Variants in CCDC180 observed in about 807,000 individuals in gnomAD.
CCDC180 encodes coiled-coil domain containing 180, also known as coiled-coil domain-containing protein 180.
In CCDC180, 154 loss-of-function variants were observed where a neutral mutation model predicts 209.2. The observed-to-expected ratio is 0.74, with a 90% CI of 0.65 to 0.84. The LOEUF is 0.84. CCDC180 is among the 40% of genes least tolerant of loss of function. The pLI is 0.00. For synonymous variants in CCDC180, 778 were observed against 749.1 expected (o/e 1.04, Z -0.63); for missense variants, 1,874 against 1,997.3 (o/e 0.94, Z 1.18).
chr9:97,317,162 A>G lies in CCDC180; in HGVS notation c.893A>G (p.His298Arg), dbSNP rs1418636643. The G allele has an allele frequency of 6.2e-7, 1 of 1,613,232 alleles. No individual in the cohort carries two copies. The highest frequency in any genetic ancestry group is 8.5e-7 in the Non-Finnish European group (1 of 1,179,656). The change falls in exon 9 of 37, where the codon CAC (histidine) becomes CGC (arginine). Residue 298 changes from histidine to arginine, a missense_variant. Transcript: ENST00000529487. Reference sequence around the variant, plus strand: ...CTGCAGCAGGAGCTGGACAGCCGCCACCGCTGGCAAGGCTTGGTGGACACC... The same window carrying G: ...CTGCAGCAGGAGCTGGACAGCCGCCGCCGCTGGCAAGGCTTGGTGGACACC... The part of the protein sequence containing the change: ...STLQQELDSR[H>R]RWQGLVDTWK...
At position 97,343,433 on chromosome 9, in the gene CCDC180, C is replaced by A; in HGVS notation, c.2368C>A (p.Pro790Thr). 6.2e-7 allele frequency: 1 copy of A among 1,613,820 alleles called. No individual in the cohort carries two copies. Among genetic ancestry groups the A allele is most frequent in the Non-Finnish European group, 8.5e-7 (1 of 1,179,774 alleles). The change falls in exon 19 of 37, where the codon CCC becomes ACC. Residue 790 changes from proline to threonine, a missense_variant. Transcript: ENST00000529487. ...TGGAAACACTTATTTTGTCTTTGTA[C>A]CCCTGGAAGAAGAGCATTGTAGGAA... ...SSGNTYFVFV[P>T]LEEEHCRKSH...
intron 16 of CCDC180, among the ~76,000 whole-genome samples, chr9:97,328,457 A>G (rs2118670501): frequency 6.6e-6 from 1 of 152,198 alleles, no homozygotes; most frequent in Non-Finnish European, 1.5e-5. Flanking sequence ...ATATAGCTTT[A>G]ACCCACCTAC....
intron 13 of CCDC180, among the ~76,000 whole-genome samples, chr9:97,324,746 C>T (rs1833472918): frequency 6.6e-6 from 1 of 152,216 alleles, no homozygotes; most frequent in Non-Finnish European, 1.5e-5. Context: ...ACTCCATCTT[C>T]TTCCTGTCAG....
chr9:97,341,506 G>T (rs1826078301), intron 18 of CCDC180, among the ~76,000 whole-genome samples: 1 of 152,188 alleles, frequency 6.6e-6, no homozygotes, highest in Admixed American at 6.5e-5. Flanking sequence ...CACCAGCAGA[G>T]GCTGCAGAAC....
intron 18 of CCDC180, among the ~76,000 whole-genome samples, chr9:97,334,641 G>A (rs147265148): frequency 2.6e-5 from 4 of 152,086 alleles, no homozygotes; most frequent in East Asian, 3.9e-4. Flanking sequence ...TTTTGCTAAC[G>A]TTTCCTGTTT....
chr9:97,316,295 C>A (rs2118567949), intron 8 of CCDC180, among the ~76,000 whole-genome samples: 1 of 152,350 alleles, frequency 6.6e-6, no homozygotes, highest in East Asian at 1.9e-4. Flanking sequence ...GGCTGTGGAT[C>A]TGTAGGTTGA....
chr9:97,361,898 A>G lies in CCDC180; in HGVS notation c.3656A>G (p.Gln1219Arg), dbSNP rs1188455986. 1.9e-6 allele frequency: 3 copies of G among 1,613,604 alleles called. No individual in the cohort carries two copies. The highest frequency in any genetic ancestry group is 2.5e-6 in the Non-Finnish European group (3 of 1,179,894). Residue 1219 changes from glutamine to arginine, a missense_variant and splice_region_variant, in exon 27 of 37, where the codon CAA becomes CGA. Gln to Arg is a conservative substitution (Grantham distance 43). Coordinates refer to ENST00000529487, the MANE Select transcript of CCDC180 (RefSeq NM_020893.6). ...GTGGATGTGATCAGGAAGCTCCTGCAGTGAGTGGCCCCAGGGTGCACCTAA... is the reference window on the plus strand; with the variant it reads ...GTGGATGTGATCAGGAAGCTCCTGCGGTGAGTGGCCCCAGGGTGCACCTAA... ...PAVDVIRKLL[Q>R]LPNTKWPTHH...
rs377488090 is a variant in CCDC180, at chr9:97,307,855, C to T, written c.-82+49C>T. The T allele has an allele frequency of 1.1e-5, 18 of 1,610,274 alleles. No homozygotes were observed. In the African/African-American group the frequency reaches 1.9e-4, roughly 17 times the overall value. ...AGTTAAAACCCTAAGTCGACGTTCC[C>T]CAGCCGCCTACCCCCCAGCAGAGAG... is the stretch of plus-strand genomic sequence containing the variant. On this transcript the variant is annotated intron_variant, in intron 1 of 36. Coordinates refer to ENST00000529487, the MANE Select transcript of CCDC180 (RefSeq NM_020893.6).
chr9:97,330,725 G>C lies in CCDC180; in HGVS notation c.2232G>C (p.Glu744Asp), dbSNP rs1274019763. ...EEEKLEEEKE[E>D]KEAQEEQESL... ...AGAAGCTGGAGGAAGAGAAGGAGGAGAAGGAGGCACAGGAAGAGCAAGAGA... is the reference window on the plus strand; with the variant it reads ...AGAAGCTGGAGGAAGAGAAGGAGGACAAGGAGGCACAGGAAGAGCAAGAGA... The change falls in exon 18 of 37, where the codon GAG becomes GAC. Residue 744 changes from glutamate (E) to aspartate (D), a missense_variant. Coordinates refer to ENST00000529487, the MANE Select transcript of CCDC180 (RefSeq NM_020893.6). 6.2e-7 allele frequency: 1 copy of C among 1,605,264 alleles called. No homozygotes were observed. Among genetic ancestry groups the C allele is most frequent in the Admixed American group, 1.7e-5 (1 of 59,932 alleles).
In CCDC180 at chr9:97,347,399, A is replaced by C. The variant is rs61026201; in HGVS notation, c.2584A>C (p.Asn862His). Reference sequence around the variant, plus strand: ...CCGGGTCACCGTGGCCACCAAAATCAATGAGCTGGATTCAGAACTGGAGCT... The same window carrying C: ...CCGGGTCACCGTGGCCACCAAAATCCATGAGCTGGATTCAGAACTGGAGCT... ...NTRVTVATKI[N>H]ELDSELELHL... Residue 862 changes from asparagine to histidine, a missense_variant, in exon 20 of 37, where the codon AAT (asparagine) becomes CAT (histidine). Transcript: ENST00000529487. 5.3e-3 allele frequency: 8,067 copies of C among 1,536,090 alleles called. 381 individuals carry two copies. In the African/African-American group the frequency reaches 0.096, roughly 18 times the overall value.
intron 20 of CCDC180, 154 bp from the exon 21 acceptor site, chr9:97,348,957 G>A: frequency 1.5e-6 from 1 of 673,506 alleles, no homozygotes; most frequent in Non-Finnish European, 2.4e-6. Flanking sequence ...AAGCCCTGAT[G>A]AAGGCAACAG....
At chr9:97,346,685 C>T (rs755285070) in intron 19 of CCDC180, among the ~76,000 whole-genome samples, 1 of 152,152 alleles carries the variant, frequency 6.6e-6, no homozygotes, top group Non-Finnish European at 1.5e-5. Context: ...TGACTCACTG[C>T]AGCCTTAACC....
intron 20 of CCDC180, among the ~76,000 whole-genome samples, chr9:97,348,140 G>A (rs752631081): frequency 2.0e-5 from 3 of 150,858 alleles, no homozygotes; most frequent in Non-Finnish European, 4.4e-5. Flanking sequence ...CATGTTTTCA[G>A]TAGGATCCTT....
chr9:97,342,445 A>G (rs998522618), intron 18 of CCDC180, among the ~76,000 whole-genome samples: 3 of 152,044 alleles, frequency 2.0e-5, no homozygotes, highest in African/African-American at 7.2e-5. Context: ...ACAGACCTCT[A>G]ATTTTTGTAT....
intron 21 of CCDC180, 84 bp downstream of exon 21, chr9:97,349,375 C>A: frequency 8.1e-7 from 1 of 1,233,586 alleles, no homozygotes. Context: ...GCCCCCCTCC[C>A]TGTAGACACA....
rs1253580775 is a variant in CCDC180 at position 97,377,208 on chromosome 9, G to T, written c.*314G>T. The T allele has an allele frequency of 9.7e-6, 2 of 205,606 alleles. No homozygotes were observed. The highest frequency in any genetic ancestry group is 2.4e-4 in the East Asian group (2 of 8,268). 12.7% of individuals were successfully genotyped at this position (205,606 alleles called of 1,614,324 possible). A position where few individuals can be genotyped will look rare whatever the true frequency, so the allele number is the denominator to read the frequency against. On this transcript the variant is annotated 3_prime_UTR_variant, in exon 37 of 37. Coordinates refer to ENST00000529487, the MANE Select transcript of CCDC180 (RefSeq NM_020893.6). The stretch of plus-strand genomic sequence containing the variant: ...CACCTCCAAACAGCATGCTGGGCAG[G>T]GCACGTCATCTTGAAAAATGAAATA...
chr9:97,312,520 T>C (rs1306571001), intron 4 of CCDC180, among the ~76,000 whole-genome samples: 1 of 152,244 alleles, frequency 6.6e-6, no homozygotes, highest in African/African-American at 2.4e-5. Flanking sequence ...TCCTACTGCA[T>C]TGTCCTAGTT....
At position 97,350,396 on chromosome 9, in the gene CCDC180, C is replaced by G; in HGVS notation, c.2856-13C>G. 1 of 1,534,924 alleles carries G rather than the reference C, an allele frequency of 6.5e-7. No individual in the cohort carries two copies. The highest frequency in any genetic ancestry group is 8.7e-7 in the Non-Finnish European group (1 of 1,146,866). ...CCCCCATCACTGTCCTGTTCCTCCT[C>G]TGTCTCCCACAGGCTGGTCACTCTC... On this transcript the variant is annotated splice_polypyrimidine_tract_variant and intron_variant, in intron 21 of 36. Transcript: ENST00000529487.
intron 18 of CCDC180, among the ~76,000 whole-genome samples, chr9:97,331,511 C>G (rs1215404236): frequency 6.6e-6 from 1 of 152,028 alleles, no homozygotes; most frequent in African/African-American, 2.4e-5. Context: ...GGAATACACT[C>G]CCACCAGCAG....
Sources: gnomAD v4.1 joint callset for allele counts (sites outside exome capture counted in the v4.1 genomes callset) on GRCh38, gnomAD v4.1.1 for gene constraint, MANE v1.5 for transcripts, NCBI Gene and HGNC (gene_info 2026-07-23, HGNC 2026-07-21) for gene names.